Variants in MTHFD1L observed in about 807,000 individuals in gnomAD.
The protein encoded by MTHFD1L is methylenetetrahydrofolate dehydrogenase (NADP+ dependent) 1 like, also known as monofunctional C1-tetrahydrofolate synthase, mitochondrial.
Under a neutral mutation model 119.5 loss-of-function variants are expected in MTHFD1L, and 81 were observed. The ratio of observed to expected loss-of-function variants is 0.68; its 90% CI spans 0.57 to 0.82. The LOEUF is 0.82. Among genes scored for constraint, MTHFD1L ranks in the 40% least tolerant of loss-of-function variants. The pLI, the probability that MTHFD1L is intolerant of heterozygous loss-of-function variation, is 0.00. For missense variants in MTHFD1L, 1,125 were observed against 1,253.4 expected, an observed-to-expected ratio of 0.90 and a Z score of 1.55; for synonymous variants, 430 against 475.2, an observed-to-expected ratio of 0.90 and a Z score of 1.24.
At chr6:150,990,602 G>A (rs903734375) in intron 20 of MTHFD1L, among the ~76,000 whole-genome samples, 1 of 151,662 alleles carries the variant, frequency 6.6e-6, no homozygotes, top group Non-Finnish European at 1.5e-5. Context: ...CGGGATTACA[G>A]GCATGCGCCA....
chr6:150,866,332 C>T, intron 1 of MTHFD1L: 5 of 1,452,848 alleles, frequency 3.4e-6, no homozygotes, highest in Non-Finnish European at 4.5e-6. Context: ...CGCCCGGCTC[C>T]ACGTGCGCAG....
chr6:150,965,135 TG>T, intron 19 of MTHFD1L, 98 bp downstream of exon 19: 1 of 1,040,466 alleles, frequency 9.6e-7, no homozygotes, highest in East Asian at 2.5e-5. Flanking sequence ...AGAGCATGCC[TG>T]GGGCAGCAGT....
chr6:151,094,490 G>A (rs1013463606), intron 27 of MTHFD1L, among the ~76,000 whole-genome samples: 11 of 152,194 alleles, frequency 7.2e-5, no homozygotes, highest in Admixed American at 5.2e-4. Flanking sequence ...ACCCTCCCAA[G>A]TAGCTGGGAT....
chr6:151,041,378 T>A (rs1453392468), intron 26 of MTHFD1L, among the ~76,000 whole-genome samples: 1 of 152,158 alleles, frequency 6.6e-6, no homozygotes, highest in Non-Finnish European at 1.5e-5. Flanking sequence ...AATTTCCTGC[T>A]GAGATGACTG....
chr6:150,894,956 C>T (rs1417883075), intron 7 of MTHFD1L, among the ~76,000 whole-genome samples: 2 of 152,148 alleles, frequency 1.3e-5, no homozygotes, highest in African/African-American at 2.4e-5. Context: ...CTTGGAGATG[C>T]GTTGAGCATT....
chr6:151,036,826 A>G (rs1786243996), intron 25 of MTHFD1L, 139 bp from the exon 26 acceptor site: 4 of 788,826 alleles, frequency 5.1e-6, no homozygotes, highest in East Asian at 5.3e-5. Flanking sequence ...TCAGTGAACA[A>G]GTAGTAACAA....
Position 151,015,685 on chromosome 6 carries a change from G to A in MTHFD1L, c.2578G>A (p.Asp860Asn), listed in dbSNP as rs144276735. Residue 860 changes from aspartate (D) to asparagine (N), a missense_variant, in exon 24 of 28, where the codon GAT becomes AAT. Asp to Asn is a conservative substitution (Grantham distance 23). Coordinates refer to ENST00000367321, the MANE Select transcript of MTHFD1L (RefSeq NM_015440.5). ...AAGAAGCCGATTCCAGTTCCTGTAT[G>A]ATGTTCAGGTAAGATCTAGTAAAAA... ...SKRSRFQFLY[D>N]VQVPIVDKIR... The A allele has an allele frequency of 3.2e-5, 51 of 1,613,634 alleles. No individual in the cohort carries two copies. The highest frequency in any genetic ancestry group is 4.1e-5 in the Non-Finnish European group (48 of 1,179,894).
At position 150,942,689 on chromosome 6, in the gene MTHFD1L, C is replaced by T. The variant is rs897235195; in HGVS notation, c.1441-1797C>T. Among the ~76,000 whole-genome samples the T allele has an allele frequency of 6.6e-5, 10 of 151,670 alleles. 1 individual carries two copies. In the South Asian group the frequency reaches 1.5e-3, roughly 22 times the overall value. On this transcript the variant is annotated intron_variant, in intron 13 of 27. Transcript: ENST00000367321. The stretch of plus-strand genomic sequence containing the variant: ...GTAAGAGCTAAAGTATAAACTGTTA[C>T]GATGTTATGATTCCAATATTTAAAA...
At chr6:151,086,565 T>C (rs1274082262) in intron 26 of MTHFD1L, among the ~76,000 whole-genome samples, 1 of 152,172 alleles carries the variant, frequency 6.6e-6, no homozygotes, top group African/African-American at 2.4e-5. Context: ...GGTCTGGCTC[T>C]GTTGCTCAGG....
At chr6:150,923,436 C>G (rs1474423806) in intron 10 of MTHFD1L, among the ~76,000 whole-genome samples, 1 of 151,926 alleles carries the variant, frequency 6.6e-6, no homozygotes, top group Non-Finnish European at 1.5e-5. Context: ...GGTGTGCATC[C>G]CCAGGTAATC....
intron 26 of MTHFD1L, among the ~76,000 whole-genome samples, chr6:151,051,306 C>T (rs529001368): frequency 2.0e-5 from 3 of 152,344 alleles, no homozygotes; most frequent in African/African-American, 7.2e-5. Context: ...AGTGTGGAAG[C>T]TGCTTGACCA....
intron 20 of MTHFD1L, chr6:150,985,195 T>C (rs1488405600): frequency 6.6e-6 from 1 of 152,218 alleles, no homozygotes; most frequent in Admixed American, 6.5e-5. Context: ...GTCTTTCAAG[T>C]GCTGAATACC....
intron 19 of MTHFD1L, among the ~76,000 whole-genome samples, chr6:150,970,778 A>G (rs977838686): frequency 8.5e-5 from 13 of 152,274 alleles, no homozygotes; most frequent in African/African-American, 1.4e-4. Context: ...TCTTATAGCT[A>G]TATCCATGTT....
intron 17 of MTHFD1L, among the ~76,000 whole-genome samples, chr6:150,957,994 A>T (rs956628148): frequency 6.6e-6 from 1 of 152,172 alleles, no homozygotes; most frequent in African/African-American, 2.4e-5. Context: ...TGGAAGATTC[A>T]CAGTGGCCTT....
intron 20 of MTHFD1L, among the ~76,000 whole-genome samples, chr6:150,992,884 C>T (rs1246809209): frequency 6.6e-6 from 1 of 152,222 alleles, no homozygotes; most frequent in East Asian, 1.9e-4. Flanking sequence ...GCTGAGATTT[C>T]TCAGTGGTTT....
chr6:150,974,614 C>G (rs904313527), intron 20 of MTHFD1L, among the ~76,000 whole-genome samples: 1 of 152,038 alleles, frequency 6.6e-6, no homozygotes, highest in African/African-American at 2.4e-5. Flanking sequence ...TCCTGGATAC[C>G]CCATGTGAGT....
At chr6:151,072,282 T>A (rs549614656) in intron 26 of MTHFD1L, among the ~76,000 whole-genome samples, 2 of 152,216 alleles carry the variant, frequency 1.3e-5, no homozygotes, top group Non-Finnish European at 2.9e-5. Context: ...CATTTTACTG[T>A]GTCATTGGAC....
At chr6:151,024,193 T>C (rs1327226403) in intron 24 of MTHFD1L, among the ~76,000 whole-genome samples, 1 of 152,056 alleles carries the variant, frequency 6.6e-6, no homozygotes. Flanking sequence ...TTGTAACACA[T>C]TGATGTTCCT....
At chr6:150,965,238 T>A (rs1046567226) in intron 19 of MTHFD1L, among the ~76,000 whole-genome samples, 4 of 152,112 alleles carry the variant, frequency 2.6e-5, no homozygotes, top group Admixed American at 2.0e-4. Flanking sequence ...TACCTGAGAC[T>A]GGGTAATTTA....
Sources: allele counts gnomAD v4.1 joint callset (sites outside exome capture counted in the v4.1 genomes callset), GRCh38; gene constraint gnomAD v4.1.1; transcripts MANE v1.5; gene names NCBI Gene and HGNC (gene_info 2026-07-23, HGNC 2026-07-21).